TRAF3: variants seen among roughly 807,000 people sequenced by gnomAD.
The protein encoded by TRAF3 is TNF receptor associated factor 3.
Under a neutral mutation model 62.3 loss-of-function variants are expected in TRAF3, and 13 were observed. The observed-to-expected ratio is 0.21, with a 90% confidence interval of 0.14 to 0.33. The LOEUF is 0.33. Among genes scored for constraint, TRAF3 ranks in the 10% least tolerant of loss-of-function variants. The probability of loss-of-function intolerance (pLI) is 1.00; values close to 1 mark genes in which losing one functional copy is unlikely to be tolerated. For missense variants in TRAF3, 440 were observed against 741.8 expected (o/e 0.59, Z 4.73); for synonymous variants, 269 against 283.4 (o/e 0.95, Z 0.51).
chr14:102,823,487 AGTT>A (rs1900104224), intron 1 of TRAF3, among the ~76,000 whole-genome samples: 1 of 152,222 alleles, frequency 6.6e-6, no homozygotes, highest in Non-Finnish European at 1.5e-5. Flanking sequence ...TTTCTTGAGA[AGTT>A]GTTGAACTTT....
chr14:102,886,369 C>G lies in TRAF3; in HGVS notation c.651+100C>G, dbSNP rs573117314. 4 of 1,060,090 alleles carry G rather than the reference C, an allele frequency of 3.8e-6. No homozygotes were observed. The South Asian group carries it at 4.0e-5, about 11-fold the overall frequency. The allele number at this position is 1,060,090 out of a possible 1,614,324, so 65.7% of individuals were successfully genotyped here. ...GCCGAAGCCTCACGTTTTCCCAGTT[C>G]GTGAGAGTCATGTGTATGGCAGACA... On this transcript the variant is annotated intron_variant, in intron 7 of 11. Transcript: ENST00000392745.
At chr14:102,876,752 C>G (rs1459435809) in intron 6 of TRAF3, 21 of 565,136 alleles carry the variant, frequency 3.7e-5, no homozygotes, top group Non-Finnish European at 3.1e-6. Context: ...CATAGATAAT[C>G]CGTTCCACAG....
chr14:102,867,908 A>G (rs1462693089), intron 2 of TRAF3, among the ~76,000 whole-genome samples: 2 of 152,230 alleles, frequency 1.3e-5, no homozygotes, highest in African/African-American at 4.8e-5. Flanking sequence ...CTAGAACGCC[A>G]GTTCATCCAT....
At position 102,836,869 on chromosome 14, in the gene TRAF3, G is replaced by A. The variant is rs549966086; in HGVS notation, c.-18+6397G>A. ...GATCATGATTTCAGGTGAGTAAGACGTCAGGGAAACCTATCACAGTTCCAT... is the reference window on the plus strand; with the variant it reads ...GATCATGATTTCAGGTGAGTAAGACATCAGGGAAACCTATCACAGTTCCAT... On this transcript the variant is annotated intron_variant, in intron 2 of 11. Transcript: ENST00000392745. 1.4e-4 allele frequency among the ~76,000 whole-genome samples: 21 copies of A among 152,190 alleles called. No individual in the cohort carries two copies. The East Asian group carries it at 2.5e-3, about 18-fold the overall frequency.
chr14:102,811,912 C>CGTTTTTTTTT (rs1899193346), intron 1 of TRAF3, among the ~76,000 whole-genome samples: 1 of 32,668 alleles, frequency 3.1e-5, no homozygotes, highest in East Asian at 2.7e-3. Flanking sequence ...CATGCCTGGC[C>CGTTTTTTTTT]CTTTTTTTTT....
In TRAF3 at chr14:102,903,105, C is replaced by T. The variant is rs753964471; in HGVS notation, c.961-150C>T. On this transcript the variant is annotated intron_variant, in intron 10 of 11. Transcript: ENST00000392745. This position sits in a 1 kb window ranked among gnomAD's most constrained non-coding sequence, Gnocchi z 6.4. ...GCTCCCAGGAGGCCTGATGCAGAGC[C>T]CCACTCCTGGAGTCAGAGCCGCGGG... The T allele has an allele frequency of 2.3e-4, 243 of 1,041,532 alleles. No individual in the cohort carries two copies. Among genetic ancestry groups the T allele is most frequent in the Non-Finnish European group, 3.1e-4 (209 of 679,888 alleles). The allele number at this position is 1,041,532 out of a possible 1,614,324, so 64.5% of individuals were successfully genotyped here. A position where few individuals can be genotyped will look rare whatever the true frequency, so the allele number is the denominator to read the frequency against.
intron 2 of TRAF3, among the ~76,000 whole-genome samples, chr14:102,837,250 C>T (rs368877097): frequency 8.6e-5 from 13 of 151,880 alleles, no homozygotes; most frequent in African/African-American, 1.4e-4. Context: ...GCCATCCTCC[C>T]GCCTCAGCCT....
intron 2 of TRAF3, among the ~76,000 whole-genome samples, chr14:102,848,635 A>G (rs1213517720): frequency 1.3e-5 from 2 of 152,204 alleles, no homozygotes; most frequent in Non-Finnish European, 2.9e-5. Context: ...TGGTATTTTT[A>G]GTTTGTTTGA....
chr14:102,804,485 C>T (rs571219093), intron 1 of TRAF3, among the ~76,000 whole-genome samples: 1 of 152,104 alleles, frequency 6.6e-6, no homozygotes, highest in African/African-American at 2.4e-5. Context: ...CCTAAAGCAG[C>T]CTTTTCTTTT....
chr14:102,904,944 C>A (rs981579187), intron 11 of TRAF3, among the ~76,000 whole-genome samples: 5 of 151,898 alleles, frequency 3.3e-5, no homozygotes, highest in African/African-American at 1.2e-4. Context: ...AAACCCTGTC[C>A]CTACTAAAAA....
chr14:102,792,864 C>CT (rs1421770754), intron 1 of TRAF3, among the ~76,000 whole-genome samples: 2 of 151,406 alleles, frequency 1.3e-5, no homozygotes, highest in African/African-American at 4.9e-5. Context: ...ATTTTTGAGA[C>CT]AAAGTCTTCC....
chr14:102,895,658 G>A (rs1168223787), intron 9 of TRAF3, among the ~76,000 whole-genome samples: 1 of 152,300 alleles, frequency 6.6e-6, no homozygotes, highest in Non-Finnish European at 1.5e-5. Context: ...AATAGATGGG[G>A]GATCAAGATG....
intron 1 of TRAF3, among the ~76,000 whole-genome samples, chr14:102,818,516 T>A (rs1429351619): frequency 6.6e-6 from 1 of 152,220 alleles, no homozygotes; most frequent in African/African-American, 2.4e-5. Flanking sequence ...GTAGTTTGTA[T>A]GCCTGACTAA....
intron 11 of TRAF3, chr14:102,904,034 C>T (rs897481237): frequency 5.6e-6 from 2 of 354,472 alleles, no homozygotes; most frequent in Non-Finnish European, 1.1e-5. Flanking sequence ...CAGAGGCCAC[C>T]TGTGGGTGCT....
Position 102,908,241 on chromosome 14 carries a change from G to C in TRAF3, c.*2457G>C, listed in dbSNP as rs556032932. 2.0e-5 allele frequency: 3 copies of C among 152,462 alleles called. No homozygotes were observed. Among genetic ancestry groups the C allele is most frequent in the Non-Finnish European group, 4.4e-5 (3 of 68,104 alleles). 9.4% of individuals were successfully genotyped at this position (152,462 alleles called of 1,614,324 possible). On this transcript the variant is annotated 3_prime_UTR_variant, in exon 12 of 12. Transcript: ENST00000392745. ...ATGGGGCCCACCTGAGGGTCCCACA[G>C]ACGTAACCTGAGTGACAGGAGTCCT... is the stretch of plus-strand genomic sequence containing the variant.
intron 1 of TRAF3, among the ~76,000 whole-genome samples, chr14:102,828,450 T>C (rs1002787267): frequency 1.3e-5 from 2 of 152,238 alleles, no homozygotes; most frequent in African/African-American, 4.8e-5. Flanking sequence ...CTGTGAATGC[T>C]GTGGCTGGCA....
intron 1 of TRAF3, among the ~76,000 whole-genome samples, chr14:102,789,612 G>A (rs1181840542): frequency 1.3e-5 from 2 of 151,856 alleles, no homozygotes; most frequent in East Asian, 3.9e-4. Context: ...GTGTGTGTGT[G>A]TGTGTGTGTG....
At chr14:102,848,808 A>G (rs1165818759) in intron 2 of TRAF3, among the ~76,000 whole-genome samples, 1 of 152,068 alleles carries the variant, frequency 6.6e-6, no homozygotes, top group Non-Finnish European at 1.5e-5. Flanking sequence ...TGCTGTTTCC[A>G]CTGGACATGT....
intron 1 of TRAF3, among the ~76,000 whole-genome samples, chr14:102,797,743 T>C (rs570908778): frequency 1.2e-4 from 18 of 151,810 alleles, no homozygotes; most frequent in South Asian, 4.2e-4. Context: ...TTCTTTCTTT[T>C]TTTTTTTTTT....
Sources: gnomAD v4.1 joint callset for allele counts (sites outside exome capture counted in the v4.1 genomes callset) on GRCh38, gnomAD v4.1.1 for gene constraint, Gnocchi (gnomAD v3.1) non-coding constraint, MANE v1.5 for transcripts, NCBI Gene and HGNC (gene_info 2026-07-23, HGNC 2026-07-21) for gene names.